FAM151B: variants seen among roughly 807,000 people sequenced by gnomAD.
FAM151B encodes the protein protein FAM151B.
FAM151B carries 24 observed loss-of-function variants against 31.2 expected under a neutral mutation model. The observed-to-expected ratio is 0.77, with a 90% CI of 0.56 to 1.08. FAM151B has a LOEUF of 1.08. Ranked by LOEUF, FAM151B falls within the 50% of genes least tolerant of loss-of-function variation. The pLI, the probability that FAM151B is intolerant of heterozygous loss-of-function variation, is 0.00. For synonymous variants in FAM151B, 105 were observed against 111.4 expected, an observed-to-expected ratio of 0.94 and a Z score of 0.36; for missense variants, 293 against 328.6, an observed-to-expected ratio of 0.89 and a Z score of 0.84.
chr5:80,507,096 G>T (rs1462107182), intron 2 of FAM151B, among the ~76,000 whole-genome samples: 1 of 146,384 alleles, frequency 6.8e-6, no homozygotes, highest in East Asian at 2.0e-4. Flanking sequence ...TCCAGCCTGG[G>T]TAACAGGGTG....
At chr5:80,501,381 GCT>G in intron 1 of FAM151B, 1 of 1,187,076 alleles carries the variant, frequency 8.4e-7, no homozygotes, top group Non-Finnish European at 1.2e-6. Flanking sequence ...AGATCAACAG[GCT>G]TACTAGAAGA....
Position 80,519,862 on chromosome 5 carries a change from T to G in FAM151B, c.487T>G (p.Phe163Val), listed in dbSNP as rs985884076. ...GATATCCTTCTTTCCAGACGTGACG[T>G]TTTCCCTGGGTTGGACAACAGGATG... Reference protein sequence around the residue: ...TVISFFPDVTFSLGWTTGWHP... With the variant: ...TVISFFPDVTVSLGWTTGWHP... The change falls in exon 4 of 6, where the codon TTT (phenylalanine) becomes GTT (valine). Residue 163 changes from phenylalanine to valine, a missense_variant. By Grantham distance (50) the Phe-to-Val change is conservative. Coordinates refer to ENST00000282226, the MANE Select transcript of FAM151B (RefSeq NM_205548.3). 2 of 1,613,872 alleles carry G rather than the reference T, an allele frequency of 1.2e-6. No individual in the cohort carries two copies. The highest frequency in any genetic ancestry group is 1.7e-6 in the Non-Finnish European group (2 of 1,179,900).
At chr5:80,498,769 C>T (rs775904459) in intron 1 of FAM151B, 6 of 544,354 alleles carry the variant, frequency 1.1e-5, no homozygotes, top group Non-Finnish European at 2.1e-5. Flanking sequence ...TTAGCACCAC[C>T]ACAAAGTCTC....
At chr5:80,538,440 C>A (rs1290300262) in intron 5 of FAM151B, among the ~76,000 whole-genome samples, 104 of 59,924 alleles carry the variant, frequency 1.7e-3, no homozygotes, top group Non-Finnish European at 6.3e-4. Flanking sequence ...TTCTTTCTTT[C>A]TTTCTTTCTC....
intron 4 of FAM151B, 136 bp from the exon 5 acceptor site, chr5:80,521,867 G>T: frequency 1.8e-6 from 1 of 552,152 alleles, no homozygotes; most frequent in Non-Finnish European, 2.9e-6. Context: ...AATTGACTTA[G>T]AATCCAAATG....
chr5:80,541,430 C>T (rs42416), intron 5 of FAM151B, among the ~76,000 whole-genome samples: 14,611 of 152,252 alleles, frequency 0.096, 974 homozygotes, highest in African/African-American at 0.18. Flanking sequence ...GTCCATTTAA[C>T]AGTCCTGCAA....
chr5:80,497,971 A>T (rs1230613911), intron 1 of FAM151B, among the ~76,000 whole-genome samples: 1 of 152,234 alleles, frequency 6.6e-6, no homozygotes, highest in Non-Finnish European at 1.5e-5. Flanking sequence ...GTGCTGTGGA[A>T]ATATCCAATA....
At chr5:80,528,131 A>G (rs941523067) in intron 5 of FAM151B, among the ~76,000 whole-genome samples, 1 of 152,186 alleles carries the variant, frequency 6.6e-6, no homozygotes, top group African/African-American at 2.4e-5. Flanking sequence ...AATTTCCCGA[A>G]TGAGTAGAGT....
At chr5:80,520,813 GTTT>G (rs1327482360) in intron 4 of FAM151B, among the ~76,000 whole-genome samples, 1 of 132,302 alleles carries the variant, frequency 7.6e-6, no homozygotes, top group Non-Finnish European at 1.6e-5. Context: ...TTTCCATGTG[GTTT>G]TTTTTTTTTT....
chr5:80,492,163 G>A (rs1412127575), intron 1 of FAM151B, among the ~76,000 whole-genome samples: 1 of 151,766 alleles, frequency 6.6e-6, no homozygotes, highest in African/African-American at 2.4e-5. Context: ...ATTGTGCTTT[G>A]CAGATAATCC....
At chr5:80,528,250 C>T (rs1745059937) in intron 5 of FAM151B, among the ~76,000 whole-genome samples, 1 of 151,882 alleles carries the variant, frequency 6.6e-6, no homozygotes, top group East Asian at 1.9e-4. Context: ...TAAATCATAT[C>T]ACTAGAGAAA....
In FAM151B at chr5:80,541,836, G is replaced by C; in HGVS notation, c.*4G>C. The C allele has an allele frequency of 1.2e-6, 2 of 1,608,982 alleles. No individual in the cohort carries two copies. Among genetic ancestry groups the C allele is most frequent in the Non-Finnish European group, 1.7e-6 (2 of 1,178,204 alleles). On this transcript the variant is annotated 3_prime_UTR_variant, in exon 6 of 6. Coordinates refer to ENST00000282226, the MANE Select transcript of FAM151B (RefSeq NM_205548.3). The stretch of plus-strand genomic sequence containing the variant: ...TGGAATCAAAGTTAATCTCTAAGAA[G>C]AAGATTCTCAATTATTTCCTGTGTT...
chr5:80,494,441 CTT>C (rs1207140802), intron 1 of FAM151B, among the ~76,000 whole-genome samples: 3 of 50,144 alleles, frequency 6.0e-5, no homozygotes, highest in Non-Finnish European at 1.8e-4. Context: ...GTCTTTCTTT[CTT>C]TTTCTTTCTT....
rs555386964 is a variant in FAM151B at position 80,521,895 on chromosome 5, C to T, written c.536-108C>T. The T allele has an allele frequency of 2.5e-5, 18 of 715,748 alleles. No individual in the cohort carries two copies. The South Asian group carries it at 5.1e-4, about 20-fold the overall frequency. The allele number at this position is 715,748 out of a possible 1,614,324, so 44.3% of individuals were successfully genotyped here. A position where few individuals can be genotyped will look rare whatever the true frequency, so the allele number is the denominator to read the frequency against. ...TCCAAATGGAAAGTATTATGAATTA[C>T]CTATGAATTATCTATGGTTTTACCT... On this transcript the variant is annotated intron_variant, in intron 4 of 5. Transcript: ENST00000282226.
At chr5:80,509,143 A>AT (rs756576360) in intron 2 of FAM151B, among the ~76,000 whole-genome samples, 84 of 145,386 alleles carry the variant, frequency 5.8e-4, no homozygotes, top group Admixed American at 8.9e-4. Flanking sequence ...TGCCTGGCTA[A>AT]TTTTTTTTTT....
chr5:80,520,644 CA>C (rs766500639), intron 4 of FAM151B, among the ~76,000 whole-genome samples: 6,620 of 67,020 alleles, frequency 0.099, 173 homozygotes, highest in Middle Eastern at 0.17. Context: ...GACTCTGTCT[CA>C]AAAAAAAAAA....
At chr5:80,539,215 A>C (rs1423451930) in intron 5 of FAM151B, among the ~76,000 whole-genome samples, 1 of 151,024 alleles carries the variant, frequency 6.6e-6, no homozygotes, top group African/African-American at 2.4e-5. Flanking sequence ...GTCATTTCCA[A>C]CTCTTAAGAT....
In FAM151B at chr5:80,488,160, G is replaced by T; in HGVS notation, c.25+12G>T. 6.5e-7 allele frequency: 1 copy of T among 1,541,292 alleles called. No individual in the cohort carries two copies. ...CGCTGGAGGCCCAGGTAAGCGCCGA[G>T]CGCGCGGCCTCTGCCTGGAGGTGGG... On this transcript the variant is annotated intron_variant, in intron 1 of 5. Coordinates refer to ENST00000282226, the MANE Select transcript of FAM151B (RefSeq NM_205548.3).
rs775123191 is a variant in FAM151B at position 80,522,070 on chromosome 5, C to G, written c.603C>G (p.Phe201Leu). ...ATGAACTAAGTCAGCCTGTAACGTTCCCTGTCAGAGCAGCATTAGTCAGGC... is the reference window on the plus strand; with the variant it reads ...ATGAACTAAGTCAGCCTGTAACGTTGCCTGTCAGAGCAGCATTAGTCAGGC... ...ICNELSQPVT[F>L]PVRAALVRQS... The change falls in exon 5 of 6, where the codon TTC (phenylalanine) becomes TTG (leucine). Residue 201 changes from phenylalanine to leucine, a missense_variant. By Grantham distance (22) the Phe-to-Leu change is conservative. Coordinates refer to ENST00000282226, the MANE Select transcript of FAM151B (RefSeq NM_205548.3). 66 of 1,612,622 alleles carry G rather than the reference C, an allele frequency of 4.1e-5. No homozygotes were observed. The highest frequency in any genetic ancestry group is 5.3e-5 in the Non-Finnish European group (63 of 1,179,056).
Sources: gnomAD v4.1 joint callset for allele counts (sites outside exome capture counted in the v4.1 genomes callset) on GRCh38, gnomAD v4.1.1 for gene constraint, MANE v1.5 for transcripts, NCBI Gene and HGNC (gene_info 2026-07-23, HGNC 2026-07-21) for gene names.